Variants in ERC1 observed in about 807,000 individuals in gnomAD.
The protein encoded by ERC1 is RAB6 interacting protein 2.
ERC1 carries 56 observed loss-of-function variants against 132.0 expected under a neutral mutation model. The observed-to-expected ratio is 0.42, with a 90% confidence interval of 0.34 to 0.53. ERC1 has a LOEUF of 0.53. ERC1 is among the 20% of genes least tolerant of loss of function. The probability of loss-of-function intolerance (pLI) is 0.03; values close to 1 mark genes in which losing one functional copy is unlikely to be tolerated. For synonymous variants in ERC1, 478 were observed against 476.1 expected (o/e 1.00, Z -0.05); for missense variants, 1,202 against 1,349.9 (o/e 0.89, Z 1.72).
chr12:1,303,955 G>GAAAAAAAAAAA (rs59587052), intron 15 of ERC1, among the ~76,000 whole-genome samples: 2,169 of 86,052 alleles, frequency 0.025, 35 homozygotes, highest in Middle Eastern at 0.079. Flanking sequence ...CTCCATCTCA[G>GAAAAAAAAAAA]AAAAAAAAAA....
At chr12:1,334,615 G>A (rs1003531412) in intron 15 of ERC1, among the ~76,000 whole-genome samples, 6 of 152,136 alleles carry the variant, frequency 3.9e-5, no homozygotes, top group Non-Finnish European at 7.4e-5. Context: ...CAGTTACCAG[G>A]CTGTTTTGGT....
chr12:1,408,312 C>A, intron 17 of ERC1, 65 bp downstream of exon 17: 1 of 1,185,450 alleles, frequency 8.4e-7, no homozygotes, highest in Non-Finnish European at 1.2e-6. Flanking sequence ...TGTTTTTGTA[C>A]TAGCATGTTG....
intron 12 of ERC1, among the ~76,000 whole-genome samples, chr12:1,225,342 T>TGG (rs1158812914): frequency 6.6e-6 from 1 of 151,772 alleles, no homozygotes; most frequent in Admixed American, 6.6e-5. Flanking sequence ...CCCAGCTACT[T>TGG]GGGAGGCTGA....
At chr12:1,483,985 C>T (rs940456547) in intron 18 of ERC1, among the ~76,000 whole-genome samples, 9 of 151,602 alleles carry the variant, frequency 5.9e-5, no homozygotes, top group South Asian at 2.1e-4. Flanking sequence ...TGAGCCGCTG[C>T]GCCCAGCTTC....
At chr12:1,432,022 G>T (rs1403066798) in intron 17 of ERC1, among the ~76,000 whole-genome samples, 64 of 152,090 alleles carry the variant, frequency 4.2e-4, no homozygotes, top group Non-Finnish European at 5.9e-5. Context: ...GGGACTATTG[G>T]CATGCACCAC....
Position 1,491,301 on chromosome 12 carries a change from C to T in ERC1, c.*1071C>T, listed in dbSNP as rs1478600674. On this transcript the variant is annotated 3_prime_UTR_variant, in exon 19 of 19. Coordinates refer to ENST00000360905, the MANE Select transcript of ERC1 (RefSeq NM_178040.4). ...CACCCTGCTAGCTTTGCCCTTGACT[C>T]GTCTTCTCTGAACCTCAGCCTCGTG... is the stretch of plus-strand genomic sequence containing the variant. 3 of 231,080 alleles carry T rather than the reference C, an allele frequency of 1.3e-5. No individual in the cohort carries two copies. The highest frequency in any genetic ancestry group is 2.6e-5 in the Non-Finnish European group (3 of 116,740). 14.3% of individuals were successfully genotyped at this position (231,080 alleles called of 1,614,324 possible).
Position 1,493,386 on chromosome 12 carries a change from A to G in ERC1, c.*3156A>G, listed in dbSNP as rs533546883. Reference sequence around the variant, plus strand: ...GGCAAAAACCCCGACTCTACTAAAAATACAAAATTAGCCAGGCGTGGTGGC... The same window carrying G: ...GGCAAAAACCCCGACTCTACTAAAAGTACAAAATTAGCCAGGCGTGGTGGC... On this transcript the variant is annotated 3_prime_UTR_variant, in exon 19 of 19. Transcript: ENST00000360905. 2 of 173,170 alleles carry G rather than the reference A, an allele frequency of 1.2e-5. No individual in the cohort carries two copies. The highest frequency in any genetic ancestry group is 4.8e-5 in the African/African-American group (2 of 41,968). 10.7% of individuals were successfully genotyped at this position (173,170 alleles called of 1,614,324 possible). A position where few individuals can be genotyped will look rare whatever the true frequency, so the allele number is the denominator to read the frequency against.
In ERC1 at chr12:995,925, A is replaced by AG. The variant is rs1960739959; in HGVS notation, c.-157+4606dup. Among the ~76,000 whole-genome samples, 3 of 152,284 alleles carry AG rather than the reference A, an allele frequency of 2.0e-5. No individual in the cohort carries two copies. In the South Asian group the frequency reaches 6.2e-4, roughly 32 times the overall value. On this transcript the variant is annotated intron_variant, in intron 1 of 18. Transcript: ENST00000360905. ...GAAGGAAAGGAAGCTTTCAAGAAGG[A>AG]GGGAACGGTCAGCGGTGTCATTGTT...
intron 15 of ERC1, among the ~76,000 whole-genome samples, chr12:1,292,403 AAAAT>A (rs1224836173): frequency 1.3e-5 from 2 of 152,220 alleles, no homozygotes; most frequent in South Asian, 2.1e-4. Context: ...GGGAGCTTAA[AAAAT>A]AAATAAATAT....
chr12:1,421,814 G>A (rs1364859291), intron 17 of ERC1, among the ~76,000 whole-genome samples: 5 of 151,020 alleles, frequency 3.3e-5, no homozygotes, highest in Admixed American at 6.6e-5. Flanking sequence ...TCAGGAGATC[G>A]AGACCATCCT....
intron 16 of ERC1, among the ~76,000 whole-genome samples, chr12:1,395,840 A>T (rs1462411112): frequency 6.6e-6 from 1 of 152,166 alleles, no homozygotes; most frequent in Non-Finnish European, 1.5e-5. Flanking sequence ...CATGGGAAAT[A>T]TGTTGAAAGA....
intron 15 of ERC1, among the ~76,000 whole-genome samples, chr12:1,308,841 C>A (rs1232338183): frequency 1.3e-5 from 2 of 152,084 alleles, no homozygotes; most frequent in African/African-American, 4.8e-5. Context: ...ATGGTTATGT[C>A]CCCCCAAAAT....
At chr12:1,137,942 A>G (rs901520656) in intron 7 of ERC1, among the ~76,000 whole-genome samples, 3 of 137,956 alleles carry the variant, frequency 2.2e-5, no homozygotes, top group South Asian at 2.2e-4. Context: ...ATAATATATA[A>G]TATATTTATA....
intron 2 of ERC1, among the ~76,000 whole-genome samples, chr12:1,078,818 CAA>C (rs1236811267): frequency 2.6e-5 from 4 of 151,430 alleles, no homozygotes; most frequent in Non-Finnish European, 5.9e-5. Flanking sequence ...TGTAATATGA[CAA>C]AAGTCGATAT....
chr12:1,321,266 T>C (rs190530671), intron 15 of ERC1, among the ~76,000 whole-genome samples: 8 of 152,186 alleles, frequency 5.3e-5, no homozygotes, highest in Non-Finnish European at 1.2e-4. Context: ...GATAGTATTA[T>C]GAGAATTAAA....
At chr12:1,127,922 A>G (rs750305307) in intron 7 of ERC1, among the ~76,000 whole-genome samples, 2 of 152,188 alleles carry the variant, frequency 1.3e-5, no homozygotes, top group African/African-American at 2.4e-5. Flanking sequence ...GCATAAATCT[A>G]GTACTATCCT....
At chr12:1,131,687 G>A (rs905120738) in intron 7 of ERC1, among the ~76,000 whole-genome samples, 11 of 152,052 alleles carry the variant, frequency 7.2e-5, no homozygotes, top group Non-Finnish European at 1.5e-4. Context: ...GGATGGTCTC[G>A]ATCTCCTGAC....
intron 8 of ERC1, among the ~76,000 whole-genome samples, chr12:1,175,584 A>G (rs1394646402): frequency 1.4e-5 from 2 of 146,934 alleles, no homozygotes; most frequent in Non-Finnish European, 3.0e-5. Context: ...CCCGGGCTGG[A>G]GTGCAATGGC....
In ERC1 at chr12:1,028,578, T is replaced by C; in HGVS notation, c.669+6T>C. The C allele has an allele frequency of 6.3e-7, 1 of 1,596,738 alleles. No homozygotes were observed. Among genetic ancestry groups the C allele is most frequent in the Non-Finnish European group, 8.5e-7 (1 of 1,171,542 alleles). Reference sequence around the variant, plus strand: ...TTGTACAGGAGGAAAACCAGGTAAGTTCTACGTGTGTTTACCTTTATTGGC... The same window carrying C: ...TTGTACAGGAGGAAAACCAGGTAAGCTCTACGTGTGTTTACCTTTATTGGC... On this transcript the variant is annotated splice_donor_region_variant and intron_variant, in intron 2 of 18. Coordinates refer to ENST00000360905, the MANE Select transcript of ERC1 (RefSeq NM_178040.4).
Sources: allele counts gnomAD v4.1 joint callset (sites outside exome capture counted in the v4.1 genomes callset), GRCh38; gene constraint gnomAD v4.1.1; transcripts MANE v1.5; gene names NCBI Gene and HGNC (gene_info 2026-07-23, HGNC 2026-07-21).